Variants in MTUS2 observed in about 807,000 individuals in gnomAD.
The protein encoded by MTUS2 is microtubule-associated tumor suppressor candidate 2.
Under a neutral mutation model 114.1 loss-of-function variants are expected in MTUS2, and 40 were observed. That is an observed-to-expected ratio of 0.35 (90% CI 0.27 to 0.46). The LOEUF is 0.46. Among genes scored for constraint, MTUS2 ranks in the 20% least tolerant of loss-of-function variants. The pLI, the probability that MTUS2 is intolerant of heterozygous loss-of-function variation, is 1.00. For missense variants in MTUS2, 1,679 were observed against 1,705.4 expected, an observed-to-expected ratio of 0.98 and a Z score of 0.27; for synonymous variants, 688 against 672.0, an observed-to-expected ratio of 1.02 and a Z score of -0.37.
intron 2 of MTUS2, among the ~76,000 whole-genome samples, chr13:29,023,428 G>T (rs1294735667): frequency 6.6e-6 from 1 of 152,174 alleles, no homozygotes; most frequent in Non-Finnish European, 1.5e-5. Flanking sequence ...ACTTTTGCCA[G>T]TTTCTCTCTT....
intron 9 of MTUS2, among the ~76,000 whole-genome samples, chr13:29,458,489 G>C (rs953224890): frequency 6.6e-6 from 1 of 152,048 alleles, no homozygotes; most frequent in African/African-American, 2.4e-5. Flanking sequence ...GCAAAAGATT[G>C]TAACAGAAAA....
At chr13:29,260,749 T>A (rs889007761) in intron 5 of MTUS2, among the ~76,000 whole-genome samples, 4 of 152,256 alleles carry the variant, frequency 2.6e-5, no homozygotes, top group African/African-American at 7.2e-5. Context: ...CTTTCAGTCC[T>A]TTATTCAGCT....
chr13:29,196,217 C>T (rs1420616570), intron 5 of MTUS2, among the ~76,000 whole-genome samples: 1 of 151,808 alleles, frequency 6.6e-6, no homozygotes, highest in African/African-American at 2.4e-5. Context: ...CTACCTCAGC[C>T]TCCCGAGTAG....
intron 8 of MTUS2, chr13:29,428,597 C>CGGGGGG: frequency 6.2e-6 from 1 of 160,080 alleles, no homozygotes; most frequent in Non-Finnish European, 1.4e-5. Context: ...CCCTTCCTGG[C>CGGGGGG]TCCCGCCCGC....
Position 29,422,648 on chromosome 13 carries a change from C to CTTTTTT in MTUS2, c.3118-17315_3118-17310dup, listed in dbSNP as rs11342823. Among the ~76,000 whole-genome samples, 402 of 68,006 alleles carry CTTTTTT rather than the reference C, an allele frequency of 5.9e-3. 2 individuals are homozygous for CTTTTTT. Among genetic ancestry groups the CTTTTTT allele is most frequent in the South Asian group, 0.01 (15 of 1,432 alleles). 44.6% of individuals were successfully genotyped at this position (68,006 alleles called of 152,430 possible). On this transcript the variant is annotated intron_variant, in intron 8 of 15. Coordinates refer to ENST00000612955, the MANE Select transcript of MTUS2 (RefSeq NM_001033602.4). ...AGCCTGTGATGTCATGATTTCTTTT[C>CTTTTTT]TTTTTTTTTTTTTTTTTTTTTTTTT...
chr13:29,163,945 G>T (rs570286926), intron 5 of MTUS2, among the ~76,000 whole-genome samples: 1 of 152,228 alleles, frequency 6.6e-6, no homozygotes, highest in East Asian at 1.9e-4. Context: ...GACCTTGCTT[G>T]CCCACAGCTC....
intron 5 of MTUS2, among the ~76,000 whole-genome samples, chr13:29,266,515 T>TC (rs748252392): frequency 2.6e-5 from 4 of 152,146 alleles, no homozygotes; most frequent in East Asian, 1.9e-4. Flanking sequence ...GCAGAAATTA[T>TC]CCCCCCCACA....
At chr13:29,009,582 C>G (rs1374379162) in intron 2 of MTUS2, among the ~76,000 whole-genome samples, 1 of 152,008 alleles carries the variant, frequency 6.6e-6, no homozygotes, top group East Asian at 1.9e-4. Context: ...TAGCTGATTA[C>G]AAAGCGGTAA....
At position 29,146,221 on chromosome 13, in the gene MTUS2, A is replaced by G. The variant is rs145144675; in HGVS notation, c.2644+45251A>G. Among the ~76,000 whole-genome samples, 38 of 152,330 alleles carry G rather than the reference A, an allele frequency of 2.5e-4. No individual in the cohort carries two copies. In the East Asian group the frequency reaches 7.3e-3, roughly 29 times the overall value. ...GGAGTCTCTCCTTCACCCTGGCTGG[A>G]GTAGTGTGCAGGCACAACATAAGAT... On this transcript the variant is annotated intron_variant, in intron 5 of 15. Coordinates refer to ENST00000612955, the MANE Select transcript of MTUS2 (RefSeq NM_001033602.4).
At chr13:29,300,853 A>G (rs1318996381) in intron 6 of MTUS2, among the ~76,000 whole-genome samples, 2 of 152,224 alleles carry the variant, frequency 1.3e-5, no homozygotes, top group African/African-American at 2.4e-5. Context: ...TATTCAAGCC[A>G]CTATAAAAAA....
intron 4 of MTUS2, among the ~76,000 whole-genome samples, chr13:29,074,376 G>C (rs749049558): frequency 1.3e-5 from 2 of 151,974 alleles, no homozygotes; most frequent in Non-Finnish European, 2.9e-5. Flanking sequence ...CACAGCTCTG[G>C]GTCCATGCCT....
At chr13:29,292,866 A>T (rs991020073) in intron 6 of MTUS2, among the ~76,000 whole-genome samples, 3 of 152,136 alleles carry the variant, frequency 2.0e-5, no homozygotes, top group African/African-American at 7.2e-5. Context: ...AGAAGAAGAA[A>T]CACACTCAAG....
chr13:29,223,896 A>G (rs895587375), intron 5 of MTUS2, among the ~76,000 whole-genome samples: 1 of 152,186 alleles, frequency 6.6e-6, no homozygotes, highest in Middle Eastern at 3.2e-3. Flanking sequence ...GCCAGCCATG[A>G]AAGCTGCTTG....
chr13:29,312,063 A>G (rs1411435511), intron 6 of MTUS2, among the ~76,000 whole-genome samples: 5 of 152,002 alleles, frequency 3.3e-5, no homozygotes, highest in African/African-American at 9.7e-5. Flanking sequence ...CTCCAACCCC[A>G]CTGCTCTGCA....
intron 9 of MTUS2, among the ~76,000 whole-genome samples, chr13:29,464,282 A>G (rs1368157905): frequency 6.6e-6 from 1 of 152,258 alleles, no homozygotes; most frequent in East Asian, 1.9e-4. Flanking sequence ...CTGGAAGCAA[A>G]TTCAGTAACC....
At chr13:29,063,367 G>T (rs1181640905) in intron 4 of MTUS2, among the ~76,000 whole-genome samples, 1 of 152,154 alleles carries the variant, frequency 6.6e-6, no homozygotes, top group Non-Finnish European at 1.5e-5. Flanking sequence ...GTCAGACTAT[G>T]CAACCTGAAA....
intron 6 of MTUS2, among the ~76,000 whole-genome samples, chr13:29,324,334 G>A (rs1900387676): frequency 6.6e-6 from 1 of 152,138 alleles, no homozygotes; most frequent in Non-Finnish European, 1.5e-5. Flanking sequence ...GGGTCATTGG[G>A]GTGGCAGTGA....
chr13:28,985,184 C>G (rs553100722), intron 2 of MTUS2, among the ~76,000 whole-genome samples: 1 of 152,198 alleles, frequency 6.6e-6, no homozygotes, highest in African/African-American at 2.4e-5. Flanking sequence ...TGGACATTCC[C>G]AGATATCGGA....
intron 8 of MTUS2, among the ~76,000 whole-genome samples, chr13:29,437,257 C>G (rs1166167032): frequency 6.6e-6 from 1 of 152,182 alleles, no homozygotes; most frequent in Non-Finnish European, 1.5e-5. Context: ...TCTCATTACT[C>G]TGAGAGTGAA....
Sources: allele counts gnomAD v4.1 joint callset (sites outside exome capture counted in the v4.1 genomes callset), GRCh38; gene constraint gnomAD v4.1.1; transcripts MANE v1.5; gene names NCBI Gene and HGNC (gene_info 2026-07-23, HGNC 2026-07-21).